Variants in CSTPP1 observed in about 807,000 individuals in gnomAD.
CSTPP1 encodes UPF0705 protein C11orf49.
At chr11:47,038,130 G>T in the CSTPP1 span, among the ~76,000 whole-genome samples, 1 of 10,452 alleles carries the variant, frequency 9.6e-5, no homozygotes, top group Non-Finnish European at 4.5e-4. Context: ...CTCCCGGATG[G>T]GGCGGCTGGC....
At chr11:46,992,467 C>G in the CSTPP1 span, among the ~76,000 whole-genome samples, 1 of 148,424 alleles carries the variant, frequency 6.7e-6, no homozygotes, top group African/African-American at 2.5e-5. Context: ...CAATGCCCAC[C>G]TATGAGTGAG....
At chr11:47,130,809 G>C in the CSTPP1 span, 1 of 152,274 alleles carries the variant, frequency 6.6e-6, no homozygotes, top group Non-Finnish European at 1.5e-5. Flanking sequence ...TCTCTTGGCA[G>C]AGCAGCCTGG....
At chr11:47,101,186 T>G in the CSTPP1 span, among the ~76,000 whole-genome samples, 1 of 102,040 alleles carries the variant, frequency 9.8e-6, no homozygotes, top group Non-Finnish European at 1.8e-5. Flanking sequence ...TTTTTTTTTT[T>G]TTTATTTTAT....
the CSTPP1 span, among the ~76,000 whole-genome samples, chr11:47,126,772 A>G: frequency 2.4e-3 from 372 of 152,082 alleles, 1 homozygote; most frequent in African/African-American, 8.2e-3. Flanking sequence ...TCTCTACAAA[A>G]TATACAAAAA....
chr11:47,119,890 C>T, the CSTPP1 span, among the ~76,000 whole-genome samples: 2 of 152,094 alleles, frequency 1.3e-5, no homozygotes, highest in African/African-American at 2.4e-5. Flanking sequence ...GGATTACAGG[C>T]GTGAGCCACC....
chr11:46,961,284 A>G, the CSTPP1 span, among the ~76,000 whole-genome samples: 1 of 152,100 alleles, frequency 6.6e-6, no homozygotes. Context: ...GTAGTATCTC[A>G]TTGTGGGTTT....
At chr11:46,993,298 G>A in the CSTPP1 span, among the ~76,000 whole-genome samples, 19 of 150,252 alleles carry the variant, frequency 1.3e-4, no homozygotes, top group African/African-American at 3.4e-4. Context: ...TGTTTTAGAC[G>A]TGAAGAAGTC....
At chr11:46,954,802 CTTT>C in the CSTPP1 span, among the ~76,000 whole-genome samples, 2 of 137,964 alleles carry the variant, frequency 1.4e-5, no homozygotes. Flanking sequence ...CATTTTCTTT[CTTT>C]TTTTTTTTTT....
chr11:47,139,739 A>T, the CSTPP1 span, among the ~76,000 whole-genome samples: 3 of 151,910 alleles, frequency 2.0e-5, no homozygotes, highest in Non-Finnish European at 4.4e-5. Context: ...GTTACTGCTC[A>T]CTTCACTGAA....
At chr11:47,154,292 A>G in the CSTPP1 span, 1 of 152,324 alleles carries the variant, frequency 6.6e-6, no homozygotes, top group African/African-American at 2.4e-5. Flanking sequence ...CCTGATCAGA[A>G]ACAGATTGGG....
the CSTPP1 span, among the ~76,000 whole-genome samples, chr11:47,128,827 G>A: frequency 3.3e-5 from 5 of 152,110 alleles, no homozygotes; most frequent in African/African-American, 7.2e-5. Context: ...ATCCTTTGCC[G>A]AAGTCAGACC....
chr11:47,159,229 G>C, the CSTPP1 span, among the ~76,000 whole-genome samples: 1 of 152,186 alleles, frequency 6.6e-6, no homozygotes, highest in South Asian at 2.1e-4. Context: ...CAATTGACAG[G>C]CCAGGCGTGG....
At chr11:47,088,531 A>C in the CSTPP1 span, among the ~76,000 whole-genome samples, 1 of 152,128 alleles carries the variant, frequency 6.6e-6, no homozygotes, top group African/African-American at 2.4e-5. Context: ...ACTAGTAAAA[A>C]TAAATTTTAG....
chr11:47,080,745 A>T, the CSTPP1 span, among the ~76,000 whole-genome samples: 5 of 152,122 alleles, frequency 3.3e-5, no homozygotes, highest in African/African-American at 4.8e-5. Flanking sequence ...GCAGTGGCTC[A>T]CACCTGCAAT....
the CSTPP1 span, among the ~76,000 whole-genome samples, chr11:47,108,459 C>T: frequency 1.5e-4 from 23 of 152,308 alleles, no homozygotes; most frequent in South Asian, 4.6e-3. Flanking sequence ...GTTCCAGATC[C>T]CAAAAGGCAG....
chr11:47,143,205 T>G, the CSTPP1 span, among the ~76,000 whole-genome samples: 1 of 152,246 alleles, frequency 6.6e-6, no homozygotes, highest in African/African-American at 2.4e-5. Context: ...AAGCATCCCC[T>G]GATTTTGTAA....
chr11:47,156,620 C>T, the CSTPP1 span, among the ~76,000 whole-genome samples: 1 of 152,184 alleles, frequency 6.6e-6, no homozygotes, highest in African/African-American at 2.4e-5. Flanking sequence ...ATGTGCCAAG[C>T]ACAGTGCTAG....
chr11:46,983,856 G>A, the CSTPP1 span, among the ~76,000 whole-genome samples: 2 of 152,220 alleles, frequency 1.3e-5, no homozygotes, highest in Admixed American at 1.3e-4. Context: ...GTTGGCTGGT[G>A]TAAAACTCTC....
At chr11:47,038,947 C>T in the CSTPP1 span, among the ~76,000 whole-genome samples, 29 of 111,962 alleles carry the variant, frequency 2.6e-4, 7 homozygotes, top group Non-Finnish European at 5.8e-4. Context: ...GAGGATGGGC[C>T]GCCGGGCAGA....
Sources: gnomAD v4.1 joint callset for allele counts (sites outside exome capture counted in the v4.1 genomes callset) on GRCh38, gnomAD v4.1.1 for gene constraint, MANE v1.5 for transcripts, NCBI Gene and HGNC (gene_info 2026-07-23, HGNC 2026-07-21) for gene names.